VPS13B: variants seen among roughly 807,000 people sequenced by gnomAD.
VPS13B encodes the protein vacuolar protein sorting 13 homolog B, also known as intermembrane lipid transfer protein VPS13B.
Under a neutral mutation model 426.4 loss-of-function variants are expected in VPS13B, and 285 were observed. The observed-to-expected ratio is 0.67, with a 90% CI of 0.61 to 0.74. The LOEUF (loss-of-function observed/expected upper bound fraction) is 0.74, where lower values mean the gene tolerates loss of function less well. VPS13B is among the 30% of genes least tolerant of loss of function. The probability of loss-of-function intolerance (pLI) is 0.00; values close to 1 mark genes in which losing one functional copy is unlikely to be tolerated. For missense variants in VPS13B, 4,537 were observed against 4,782.6 expected, an observed-to-expected ratio of 0.95 and a Z score of 1.51; for synonymous variants, 1,676 against 1,676.4, an observed-to-expected ratio of 1.00 and a Z score of 0.01.
chr8:99,188,527 A>G (rs530596751), intron 16 of VPS13B, among the ~76,000 whole-genome samples: 14 of 152,310 alleles, frequency 9.2e-5, no homozygotes, highest in Admixed American at 2.6e-4. Context: ...TAGTGCCGCA[A>G]TGAACATTCT....
intron 17 of VPS13B, among the ~76,000 whole-genome samples, chr8:99,240,647 C>T (rs770637425): frequency 1.1e-4 from 17 of 152,224 alleles, no homozygotes; most frequent in Admixed American, 3.9e-4. Context: ...TTACATTTTA[C>T]GCTTAATAAA....
At chr8:99,212,184 C>T (rs1815130060) in intron 17 of VPS13B, among the ~76,000 whole-genome samples, 1 of 152,202 alleles carries the variant, frequency 6.6e-6, no homozygotes, top group South Asian at 2.1e-4. Flanking sequence ...TGAGCCACCG[C>T]ACCTGGCCCA....
intron 22 of VPS13B, among the ~76,000 whole-genome samples, chr8:99,436,941 G>A (rs545213855): frequency 3.9e-5 from 6 of 152,062 alleles, no homozygotes; most frequent in Middle Eastern, 3.4e-3. Context: ...GAGTTTCACC[G>A]TGTTAGCCAG....
chr8:99,484,465 T>G (rs527858862), intron 25 of VPS13B, among the ~76,000 whole-genome samples: 8 of 152,214 alleles, frequency 5.3e-5, no homozygotes, highest in African/African-American at 1.9e-4. Flanking sequence ...TAGTCCAATA[T>G]CAATTTGAAA....
intron 35 of VPS13B, among the ~76,000 whole-genome samples, chr8:99,676,700 T>C (rs1830948046): frequency 6.6e-6 from 1 of 152,018 alleles, no homozygotes; most frequent in African/African-American, 2.4e-5. Context: ...AGGTATTTTC[T>C]TGTGTGAATA....
intron 3 of VPS13B, among the ~76,000 whole-genome samples, chr8:99,072,428 A>T (rs1306026942): frequency 6.6e-6 from 1 of 152,086 alleles, no homozygotes; most frequent in Non-Finnish European, 1.5e-5. Context: ...GCCCTATGCT[A>T]CTGTGGTTGA....
chr8:99,121,488 T>C, intron 8 of VPS13B, 43 bp downstream of exon 8: 1 of 1,608,600 alleles, frequency 6.2e-7, no homozygotes, highest in Non-Finnish European at 8.5e-7. Context: ...TCAACTTTAA[T>C]GCTTAAATTT....
At chr8:99,035,849 T>C (rs1324151981) in intron 2 of VPS13B, among the ~76,000 whole-genome samples, 1 of 152,180 alleles carries the variant, frequency 6.6e-6, no homozygotes, top group Non-Finnish European at 1.5e-5. Flanking sequence ...GCCATTGTTA[T>C]GGCTGAGAGA....
At chr8:99,743,404 A>C (rs1389870388) in intron 39 of VPS13B, among the ~76,000 whole-genome samples, 1 of 151,970 alleles carries the variant, frequency 6.6e-6, no homozygotes, top group Non-Finnish European at 1.5e-5. Context: ...TGCCCAAGGT[A>C]ATTTATAGAT....
chr8:99,043,330 T>A (rs4520132), intron 3 of VPS13B, among the ~76,000 whole-genome samples: 1 of 151,892 alleles, frequency 6.6e-6, no homozygotes, highest in East Asian at 1.9e-4. Context: ...GTACAGTTGT[T>A]TTGGTAGACT....
intron 2 of VPS13B, among the ~76,000 whole-genome samples, chr8:99,036,042 C>A (rs1461991481): frequency 6.6e-6 from 1 of 151,970 alleles, no homozygotes; most frequent in Non-Finnish European, 1.5e-5. Flanking sequence ...TTTATATATT[C>A]TAGATATTAG....
chr8:99,558,264 T>C (rs1824696326), intron 31 of VPS13B, among the ~76,000 whole-genome samples: 1 of 152,166 alleles, frequency 6.6e-6, no homozygotes, highest in Non-Finnish European at 1.5e-5. Context: ...AAATAATGTA[T>C]CAAAAACCAA....
At chr8:99,148,055 T>A (rs63157860) in intron 14 of VPS13B, 45 bp downstream of exon 14, 2 of 120,320 alleles carry the variant, frequency 1.7e-5, no homozygotes, top group Non-Finnish European at 2.5e-5. Flanking sequence ...CATATATGGA[T>A]TTTTTTTTTT....
At chr8:99,138,158 G>A (rs1426546270) in intron 12 of VPS13B, among the ~76,000 whole-genome samples, 1 of 152,112 alleles carries the variant, frequency 6.6e-6, no homozygotes, top group Admixed American at 6.5e-5. Context: ...TTGAGACAGA[G>A]TTTTGCTCTG....
At chr8:99,793,196 C>T (rs1342454795) in intron 43 of VPS13B, among the ~76,000 whole-genome samples, 3 of 139,192 alleles carry the variant, frequency 2.2e-5, no homozygotes, top group African/African-American at 8.0e-5. Context: ...AGAGCAAGAC[C>T]CTGTCGCCAA....
chr8:99,162,972 C>T (rs577403899), intron 15 of VPS13B, among the ~76,000 whole-genome samples: 80 of 152,226 alleles, frequency 5.3e-4, no homozygotes, highest in African/African-American at 1.6e-3. Flanking sequence ...AGGTTCTCCA[C>T]GTCCCCATCA....
rs946566975 is a variant in VPS13B, at chr8:99,163,968, C to T, written c.2209-6071C>T. 3.9e-5 allele frequency among the ~76,000 whole-genome samples: 6 copies of T among 152,184 alleles called. 1 individual carries two copies. The highest frequency in any genetic ancestry group is 2.9e-5 in the Non-Finnish European group (2 of 68,032). On this transcript the variant is annotated intron_variant, in intron 15 of 61. Coordinates refer to ENST00000357162, the MANE Select transcript of VPS13B (RefSeq NM_152564.5). Reference sequence around the variant, plus strand: ...CAGCATGCTGTCACCTCTCAATCCCCCCTCTAAACAGGACACCCCAATTGC... The same window carrying T: ...CAGCATGCTGTCACCTCTCAATCCCTCCTCTAAACAGGACACCCCAATTGC...
At chr8:99,047,932 C>T (rs1292888742) in intron 3 of VPS13B, among the ~76,000 whole-genome samples, 2 of 152,174 alleles carry the variant, frequency 1.3e-5, no homozygotes, top group African/African-American at 2.4e-5. Context: ...AGTGTATCCA[C>T]CCACCTTGGC....
At chr8:99,418,715 A>G (rs1288640240) in intron 21 of VPS13B, among the ~76,000 whole-genome samples, 3 of 152,076 alleles carry the variant, frequency 2.0e-5, no homozygotes, top group South Asian at 2.1e-4. Flanking sequence ...TGCATGGCTA[A>G]TAACACTTTA....
Sources: gnomAD v4.1 joint callset for allele counts (sites outside exome capture counted in the v4.1 genomes callset) on GRCh38, gnomAD v4.1.1 for gene constraint, MANE v1.5 for transcripts, NCBI Gene and HGNC (gene_info 2026-07-23, HGNC 2026-07-21) for gene names.